NPFFR2: variants seen among roughly 807,000 people sequenced by gnomAD.
The protein encoded by NPFFR2 is G-protein coupled receptor 74.
NPFFR2 carries 15 observed loss-of-function variants against 13.1 expected under a neutral mutation model. The ratio of observed to expected loss-of-function variants is 1.15; its 90% CI spans 0.77 to 1.76. The LOEUF (loss-of-function observed/expected upper bound fraction) is 1.76, where lower values mean the gene tolerates loss of function less well. NPFFR2 is among the 40% of genes most tolerant of loss of function. The probability of loss-of-function intolerance (pLI) is 0.00; values close to 1 mark genes in which losing one functional copy is unlikely to be tolerated. For missense variants in NPFFR2, 572 were observed against 503.5 expected (o/e 1.14, Z -1.30); for synonymous variants, 190 against 175.7 (o/e 1.08, Z -0.65).
intron 1 of NPFFR2, among the ~76,000 whole-genome samples, chr4:72,093,879 A>G (rs1720979713): frequency 6.6e-6 from 1 of 150,788 alleles, no homozygotes; most frequent in Non-Finnish European, 1.5e-5. Flanking sequence ...ATTGCTGGTA[A>G]GCTAGTATAT....
At chr4:72,102,769 CATT>C (rs1243474241) in intron 1 of NPFFR2, among the ~76,000 whole-genome samples, 2 of 151,998 alleles carry the variant, frequency 1.3e-5, no homozygotes, top group African/African-American at 4.8e-5. Flanking sequence ...TCCAGTCTAT[CATT>C]GTTGGACATT....
chr4:72,101,292 G>T (rs1721240266), intron 1 of NPFFR2, among the ~76,000 whole-genome samples: 3 of 151,706 alleles, frequency 2.0e-5, no homozygotes, highest in Admixed American at 2.0e-4. Context: ...TCCAATCTAA[G>T]AATCCCAAGA....
chr4:72,080,213 G>A (rs981809318), intron 1 of NPFFR2, among the ~76,000 whole-genome samples: 3 of 151,236 alleles, frequency 2.0e-5, no homozygotes, highest in South Asian at 2.1e-4. Context: ...CACCCAGGCC[G>A]GAGTGCAGTG....
Position 72,065,482 on chromosome 4 carries a change from CATT to C in NPFFR2, c.-8+33287_-8+33289del, listed in dbSNP as rs1720040039. ...AAAGATTGAAAGGAAAATGAAATTCCATTATTAATGTTTTAAAAGAAACTCCTG... is the reference window on the plus strand; with the variant it reads ...AAAGATTGAAAGGAAAATGAAATTCCATTAATGTTTTAAAAGAAACTCCTG... On this transcript the variant is annotated intron_variant, in intron 1 of 3. Transcript: ENST00000308744. Among the ~76,000 whole-genome samples, 3 of 152,054 alleles carry C rather than the reference CATT, an allele frequency of 2.0e-5. No individual in the cohort carries two copies. The South Asian group carries it at 6.2e-4, about 31-fold the overall frequency.
chr4:72,126,886 C>A (rs1454696263), intron 1 of NPFFR2, among the ~76,000 whole-genome samples: 1 of 152,154 alleles, frequency 6.6e-6, no homozygotes, highest in Non-Finnish European at 1.5e-5. Flanking sequence ...ATTTTCCATT[C>A]CTGATTTTGT....
intron 1 of NPFFR2, among the ~76,000 whole-genome samples, chr4:72,041,547 A>G (rs1690853251): frequency 6.6e-6 from 1 of 152,160 alleles, no homozygotes; most frequent in African/African-American, 2.4e-5. Context: ...TGGTAGTTCT[A>G]TTTTTAGTTC....
intron 3 of NPFFR2, among the ~76,000 whole-genome samples, chr4:72,140,417 T>C (rs1436732424): frequency 6.6e-6 from 1 of 152,188 alleles, no homozygotes; most frequent in East Asian, 1.9e-4. Flanking sequence ...GCTCTTATTA[T>C]TTTGAGATAC....
intron 1 of NPFFR2, among the ~76,000 whole-genome samples, chr4:72,096,177 T>C (rs910172410): frequency 6.6e-6 from 1 of 152,122 alleles, no homozygotes; most frequent in African/African-American, 2.4e-5. Context: ...GCCAGCAAAA[T>C]ATTAGATGGT....
intron 2 of NPFFR2, among the ~76,000 whole-genome samples, chr4:72,135,962 A>G (rs1441291885): frequency 6.6e-6 from 1 of 152,130 alleles, no homozygotes; most frequent in Non-Finnish European, 1.5e-5. Flanking sequence ...TCAAGCATTT[A>G]TCATTTCTTT....
At chr4:72,060,044 T>C (rs1249271769) in intron 1 of NPFFR2, among the ~76,000 whole-genome samples, 2 of 152,132 alleles carry the variant, frequency 1.3e-5, no homozygotes, top group Non-Finnish European at 2.9e-5. Context: ...TAGATCCAGC[T>C]TCCCATTTAT....
rs904321614 is a variant in NPFFR2, at chr4:72,033,736, T to G, written c.-8+1536T>G. ...ATATATTAGAAATTCATTGTTTTAT[T>G]TGTATGATTATTTTATCCCATAGTT... On this transcript the variant is annotated intron_variant, in intron 1 of 3. Transcript: ENST00000308744. 4.9e-4 allele frequency among the ~76,000 whole-genome samples: 75 copies of G among 152,358 alleles called. 1 individual carries two copies. Among genetic ancestry groups the G allele is most frequent in the Non-Finnish European group, 1.8e-4 (12 of 68,028 alleles).
chr4:72,084,550 C>T (rs1353580198), intron 1 of NPFFR2, among the ~76,000 whole-genome samples: 1 of 152,174 alleles, frequency 6.6e-6, no homozygotes, highest in Non-Finnish European at 1.5e-5. Context: ...CAATGATAAA[C>T]AGTGCCTCAG....
intron 1 of NPFFR2, among the ~76,000 whole-genome samples, chr4:72,120,095 G>A (rs1158797987): frequency 6.6e-6 from 1 of 152,140 alleles, no homozygotes; most frequent in Non-Finnish European, 1.5e-5. Flanking sequence ...TTAGTGGGGG[G>A]AGGGACGTCC....
At chr4:72,100,891 G>C (rs1262293917) in intron 1 of NPFFR2, among the ~76,000 whole-genome samples, 2 of 151,916 alleles carry the variant, frequency 1.3e-5, no homozygotes, top group African/African-American at 4.8e-5. Flanking sequence ...TTGTATGGCT[G>C]TTATCTTTTT....
At chr4:72,125,898 CAG>C (rs1383717384) in intron 1 of NPFFR2, among the ~76,000 whole-genome samples, 1 of 152,166 alleles carries the variant, frequency 6.6e-6, no homozygotes, top group Non-Finnish European at 1.5e-5. Context: ...GAGATTTGGA[CAG>C]AGACACTTGG....
intron 3 of NPFFR2, among the ~76,000 whole-genome samples, chr4:72,143,565 A>G (rs1722694209): frequency 6.6e-6 from 1 of 152,214 alleles, no homozygotes; most frequent in African/African-American, 2.4e-5. Flanking sequence ...CTAAGATGCT[A>G]ATCTTATCCA....
intron 1 of NPFFR2, among the ~76,000 whole-genome samples, chr4:72,067,898 C>T (rs1366950764): frequency 2.0e-5 from 3 of 152,204 alleles, no homozygotes. Context: ...TTTCTACCAG[C>T]ATTCTGTTCA....
At chr4:72,079,051 T>TA (rs948222470) in intron 1 of NPFFR2, among the ~76,000 whole-genome samples, 1 of 84,512 alleles carries the variant, frequency 1.2e-5, no homozygotes, top group African/African-American at 5.9e-5. Flanking sequence ...TGCATAGAAC[T>TA]AAACACACAC....
chr4:72,050,764 TCC>T (rs1719532291), intron 1 of NPFFR2, among the ~76,000 whole-genome samples: 1 of 56,126 alleles, frequency 1.8e-5, no homozygotes, highest in Non-Finnish European at 3.7e-5. Flanking sequence ...CCCTCCCACC[TCC>T]CCCCACCCCA....
Sources: allele counts gnomAD v4.1 joint callset (sites outside exome capture counted in the v4.1 genomes callset), GRCh38; gene constraint gnomAD v4.1.1; transcripts MANE v1.5; gene names NCBI Gene and HGNC (gene_info 2026-07-23, HGNC 2026-07-21).